LIPA: variants seen among roughly 807,000 people sequenced by gnomAD.
The protein encoded by LIPA is lipase A, lysosomal acid type.
In LIPA, 26 loss-of-function variants were observed where a neutral mutation model predicts 40.6. That is an observed-to-expected ratio of 0.64 (90% CI 0.47 to 0.89). The LOEUF (loss-of-function observed/expected upper bound fraction) is 0.89, where lower values mean the gene tolerates loss of function less well. LIPA is among the 40% of genes least tolerant of loss of function. The probability of loss-of-function intolerance (pLI) is 0.00; values close to 1 mark genes in which losing one functional copy is unlikely to be tolerated. For missense variants in LIPA, 455 were observed against 479.6 expected, an observed-to-expected ratio of 0.95 and a Z score of 0.48; for synonymous variants, 188 against 168.4, an observed-to-expected ratio of 1.12 and a Z score of -0.90.
At chr10:89,384,613 G>A (rs1214578440) in intron 2 of LIPA, 2 of 1,614,206 alleles carry the variant, frequency 1.2e-6, no homozygotes, top group South Asian at 2.2e-5. Flanking sequence ...TCACCAGAAT[G>A]TACGGGTTGT....
At chr10:89,391,874 A>G (rs1364650626) in intron 2 of LIPA, among the ~76,000 whole-genome samples, 1 of 152,176 alleles carries the variant, frequency 6.6e-6, no homozygotes, top group Non-Finnish European at 1.5e-5. Context: ...TAATAATAAT[A>G]GTTACCACTT....
intron 1 of LIPA, chr10:89,308,412 TG>T (rs1235041258): frequency 6.6e-6 from 1 of 152,144 alleles, no homozygotes; most frequent in East Asian, 1.9e-4. Context: ...CGTGGGAACC[TG>T]GTGACTAAGG....
chr10:89,287,824 G>C (rs767589452), intron 1 of LIPA, among the ~76,000 whole-genome samples: 6 of 152,170 alleles, frequency 3.9e-5, no homozygotes, highest in Non-Finnish European at 7.3e-5. Flanking sequence ...TTACAGGTTA[G>C]TTCAGGATCC....
intron 1 of LIPA, among the ~76,000 whole-genome samples, chr10:89,317,683 G>C (rs12260691): frequency 0.08 from 12,201 of 152,176 alleles, 1,133 homozygotes; most frequent in African/African-American, 0.23. Context: ...CCTAGCAAGG[G>C]AGGCTAACAT....
At chr10:89,279,127 A>G (rs1843303612) in intron 1 of LIPA, among the ~76,000 whole-genome samples, 1 of 152,136 alleles carries the variant, frequency 6.6e-6, no homozygotes, top group Non-Finnish European at 1.5e-5. Flanking sequence ...ATAACCCCCA[A>G]AGGGAGATGA....
At chr10:89,269,825 T>C (rs574165749) in intron 1 of LIPA, among the ~76,000 whole-genome samples, 29 of 152,364 alleles carry the variant, frequency 1.9e-4, no homozygotes, top group South Asian at 1.9e-3. Context: ...AATGTGAGAC[T>C]AATTTTTAGT....
intron 1 of LIPA, among the ~76,000 whole-genome samples, chr10:89,327,086 G>A (rs1843606500): frequency 1.3e-5 from 2 of 152,118 alleles, no homozygotes; most frequent in Non-Finnish European, 2.9e-5. Context: ...TGTTGAAAGA[G>A]TTATTATCAA....
At chr10:89,254,670 C>CT (rs1336067165), upstream of LIPA, among the ~76,000 whole-genome samples, 2 of 152,172 alleles carry the variant, frequency 1.3e-5, no homozygotes, top group African/African-American at 2.4e-5. Flanking sequence ...ATGGGTTTTT[C>CT]TTTTCTATCG....
At chr10:89,300,565 G>A (rs1200264481) in intron 1 of LIPA, among the ~76,000 whole-genome samples, 1 of 152,156 alleles carries the variant, frequency 6.6e-6, no homozygotes, top group African/African-American at 2.4e-5. Context: ...ATAAAAAGGG[G>A]GAAAATATTG....
intron 2 of LIPA, among the ~76,000 whole-genome samples, chr10:89,373,761 C>T (rs1047069594): frequency 6.6e-6 from 1 of 152,188 alleles, no homozygotes; most frequent in Non-Finnish European, 1.5e-5. Flanking sequence ...ATCTGTGAAA[C>T]TTTAATGTAC....
chr10:89,320,648 G>T (rs1459055155), intron 1 of LIPA, among the ~76,000 whole-genome samples: 9 of 152,186 alleles, frequency 5.9e-5, no homozygotes, highest in Admixed American at 5.9e-4. Context: ...ACTGCCCAAG[G>T]TAATTTATAG....
chr10:89,388,103 GA>G (rs982744243), intron 2 of LIPA, among the ~76,000 whole-genome samples: 3 of 148,222 alleles, frequency 2.0e-5, no homozygotes, highest in Admixed American at 6.9e-5. Flanking sequence ...AACTAACATG[GA>G]AAAAAATTCT....
chr10:89,405,924 C>T (rs532655856), intron 2 of LIPA: 1 of 152,116 alleles, frequency 6.6e-6, no homozygotes, highest in Non-Finnish European at 1.5e-5. Flanking sequence ...CCACAGAGCA[C>T]CCCAAGAAAA....
intron 1 of LIPA, among the ~76,000 whole-genome samples, chr10:89,331,608 C>T (rs1237231893): frequency 6.6e-6 from 1 of 152,082 alleles, no homozygotes; most frequent in Non-Finnish European, 1.5e-5. Flanking sequence ...ACCCATAAGC[C>T]CAACACTTTG....
chr10:89,403,885 T>C, intron 2 of LIPA: 2 of 532,658 alleles, frequency 3.8e-6, no homozygotes, highest in Non-Finnish European at 6.5e-6. Flanking sequence ...AAACAGAATG[T>C]GTGTATGCAT....
chr10:89,307,517 T>A, intron 1 of LIPA: 1 of 680,384 alleles, frequency 1.5e-6, no homozygotes, highest in Non-Finnish European at 2.4e-6. Context: ...CAGGGTTATG[T>A]TAACACCTGA....
Position 89,323,541 on chromosome 10 carries a change from G to A in LIPA, c.-2+19070C>T, listed in dbSNP as rs145911969. Among the ~76,000 whole-genome samples, 489 of 151,514 alleles carry A rather than the reference G, an allele frequency of 3.2e-3. 2 individuals are homozygous for A. Among genetic ancestry groups the A allele is most frequent in the Non-Finnish European group, 4.3e-3 (291 of 67,928 alleles). On this transcript the variant is annotated intron_variant, in intron 1 of 5. Coordinates refer to the LIPA transcript ENST00000282673. ...GATTGCATACCTAGAAAACCCCCAC[G>A]TCTCTACCCAAAAGCTCGTAGGTCT...
chr10:89,322,721 C>T (rs570477917), intron 1 of LIPA, among the ~76,000 whole-genome samples: 44 of 152,196 alleles, frequency 2.9e-4, no homozygotes, highest in Non-Finnish European at 5.9e-4. Flanking sequence ...AGTCCCAGTG[C>T]CTAGGAGCAG....
intron 1 of LIPA, among the ~76,000 whole-genome samples, chr10:89,251,091 A>G (rs1843112648): frequency 6.6e-6 from 1 of 152,214 alleles, no homozygotes; most frequent in South Asian, 2.1e-4. Flanking sequence ...CTTTCTAATA[A>G]CAACAATTAT....
Sources: gnomAD v4.1 joint callset for allele counts (sites outside exome capture counted in the v4.1 genomes callset) on GRCh38, gnomAD v4.1.1 for gene constraint, MANE v1.5 for transcripts, NCBI Gene and HGNC (gene_info 2026-07-23, HGNC 2026-07-21) for gene names.